Variants in CXCL13 observed in about 807,000 individuals in gnomAD.
The protein encoded by CXCL13 is C-X-C motif chemokine 13.
In CXCL13, 7 loss-of-function variants were observed where a neutral mutation model predicts 12.2. The ratio of observed to expected loss-of-function variants is 0.57; its 90% CI spans 0.33 to 1.07. The LOEUF is 1.07. Among genes scored for constraint, CXCL13 ranks in the 50% least tolerant of loss-of-function variants. The probability of loss-of-function intolerance (pLI) is 0.04; values close to 1 mark genes in which losing one functional copy is unlikely to be tolerated. For missense variants in CXCL13, 113 were observed against 127.4 expected (o/e 0.89, Z 0.55); for synonymous variants, 47 against 42.4 (o/e 1.11, Z -0.42).
At chr4:77,585,450 A>C (rs527295570) in intron 1 of CXCL13, among the ~76,000 whole-genome samples, 6 of 152,300 alleles carry the variant, frequency 3.9e-5, no homozygotes, top group African/African-American at 1.2e-4. Flanking sequence ...CTGATTCCTA[A>C]ACGTCCTCAG....
intron 1 of CXCL13, among the ~76,000 whole-genome samples, chr4:77,606,507 T>C (rs1276415746): frequency 6.6e-6 from 1 of 152,176 alleles, no homozygotes. Flanking sequence ...GCCGAAGAAA[T>C]GGATATGTGC....
intron 1 of CXCL13, among the ~76,000 whole-genome samples, chr4:77,550,135 G>C (rs1335542379): frequency 6.6e-6 from 1 of 152,222 alleles, no homozygotes; most frequent in East Asian, 1.9e-4. Context: ...TGTTGGCATG[G>C]GATCTGCTGA....
At chr4:77,598,872 A>T (rs1002774192) in intron 1 of CXCL13, among the ~76,000 whole-genome samples, 2 of 151,508 alleles carry the variant, frequency 1.3e-5, no homozygotes, top group Non-Finnish European at 2.9e-5. Flanking sequence ...CAATGGCATG[A>T]TCTCGGCTCC....
upstream of CXCL13, among the ~76,000 whole-genome samples, chr4:77,603,388 G>A (rs763334300): frequency 9.9e-5 from 15 of 152,218 alleles, no homozygotes; most frequent in Non-Finnish European, 1.9e-4. Context: ...GGACAAAGGA[G>A]GTAATGGGCT....
intron 1 of CXCL13, among the ~76,000 whole-genome samples, chr4:77,536,117 A>C (rs1182389700): frequency 2.6e-5 from 4 of 152,146 alleles, no homozygotes; most frequent in Admixed American, 1.3e-4. Context: ...AAGGAAGCCC[A>C]GTGATGTAAC....
chr4:77,529,949 C>A (rs578147383), intron 1 of CXCL13, among the ~76,000 whole-genome samples: 2 of 152,280 alleles, frequency 1.3e-5, no homozygotes, highest in East Asian at 3.9e-4. Flanking sequence ...AGATACGCTC[C>A]ATCAATACCT....
chr4:77,524,689 G>A (rs1008212794), intron 1 of CXCL13, among the ~76,000 whole-genome samples: 9 of 152,266 alleles, frequency 5.9e-5, no homozygotes, highest in African/African-American at 1.9e-4. Context: ...GTGAGGCTAT[G>A]TCCCACCCTG....
chr4:77,545,820 T>A (rs994151241), intron 1 of CXCL13, among the ~76,000 whole-genome samples: 7 of 152,226 alleles, frequency 4.6e-5, no homozygotes, highest in African/African-American at 1.4e-4. Context: ...ATCCCTGTCT[T>A]GTGACAGTTT....
At chr4:77,582,732 T>A (rs1318067183) in intron 1 of CXCL13, among the ~76,000 whole-genome samples, 2 of 152,138 alleles carry the variant, frequency 1.3e-5, no homozygotes, top group African/African-American at 4.8e-5. Context: ...ACATATTTTT[T>A]AAAAATGCTT....
intron 1 of CXCL13, among the ~76,000 whole-genome samples, chr4:77,547,212 A>G (rs1399017131): frequency 1.3e-5 from 2 of 150,382 alleles, no homozygotes; most frequent in African/African-American, 4.9e-5. Flanking sequence ...AGAATGTATA[A>G]TCTGTTGGAG....
chr4:77,553,819 AT>A (rs902580258), intron 1 of CXCL13, among the ~76,000 whole-genome samples: 6 of 151,928 alleles, frequency 3.9e-5, no homozygotes, highest in African/African-American at 7.3e-5. Flanking sequence ...GAAAAAATAA[AT>A]TTTTTTTTAA....
intron 1 of CXCL13, among the ~76,000 whole-genome samples, chr4:77,515,754 C>G (rs1469188109): frequency 6.6e-6 from 1 of 152,220 alleles, no homozygotes; most frequent in Non-Finnish European, 1.5e-5. Flanking sequence ...CATCTGCCAA[C>G]AGGGACAATT....
At chr4:77,566,123 C>T (rs987371062) in intron 1 of CXCL13, among the ~76,000 whole-genome samples, 4 of 152,264 alleles carry the variant, frequency 2.6e-5, no homozygotes, top group African/African-American at 9.6e-5. Flanking sequence ...GAAGGCACAC[C>T]TTCCTATACA....
At position 77,519,199 on chromosome 4, in the gene CXCL13, C is replaced by T. The variant is rs1248989591; in HGVS notation, c.-43+7411C>T. Among the ~76,000 whole-genome samples, 4 of 152,144 alleles carry T rather than the reference C, an allele frequency of 2.6e-5. No individual in the cohort carries two copies. The East Asian group carries it at 7.7e-4, about 29-fold the overall frequency. On this transcript the variant is annotated intron_variant, in intron 1 of 4. Coordinates refer to the CXCL13 transcript ENST00000286758. ...TGGCCATGTGAGGTGTCAGTCTGCC[C>T]CTACTGGGGGATGCCTCCCAGTTAG...
At chr4:77,531,225 T>G (rs969883999) in intron 1 of CXCL13, among the ~76,000 whole-genome samples, 3 of 150,734 alleles carry the variant, frequency 2.0e-5, no homozygotes, top group Non-Finnish European at 4.4e-5. Flanking sequence ...CTGCACCCAT[T>G]AACTCATCTT....
intron 1 of CXCL13, among the ~76,000 whole-genome samples, chr4:77,513,697 C>T (rs1357824646): frequency 6.6e-6 from 1 of 152,132 alleles, no homozygotes; most frequent in Non-Finnish European, 1.5e-5. Context: ...TGTGATCCAC[C>T]CAACTCAGCC....
chr4:77,533,441 C>T (rs1355776986), intron 1 of CXCL13, among the ~76,000 whole-genome samples: 1 of 152,176 alleles, frequency 6.6e-6, no homozygotes, highest in Admixed American at 6.5e-5. Flanking sequence ...TCAGTCTGCC[C>T]CTACTGGGAG....
chr4:77,516,459 C>G (rs1165844790), intron 1 of CXCL13, among the ~76,000 whole-genome samples: 2 of 152,184 alleles, frequency 1.3e-5, no homozygotes, highest in Non-Finnish European at 2.9e-5. Flanking sequence ...AGTGGGTAAG[C>G]TATTGATTAT....
chr4:77,520,759 A>G (rs929072889), intron 1 of CXCL13, among the ~76,000 whole-genome samples: 17 of 152,306 alleles, frequency 1.1e-4, no homozygotes, highest in African/African-American at 3.6e-4. Context: ...TATGTTGAAT[A>G]GGAGTGGTGA....
Sources: gnomAD v4.1 joint callset for allele counts (sites outside exome capture counted in the v4.1 genomes callset) on GRCh38, gnomAD v4.1.1 for gene constraint, MANE v1.5 for transcripts, NCBI Gene and HGNC (gene_info 2026-07-23, HGNC 2026-07-21) for gene names.